ZNF710: variants seen among roughly 807,000 people sequenced by gnomAD.
ZNF710 encodes zinc finger protein 710.
Under a neutral mutation model 50.6 loss-of-function variants are expected in ZNF710, and 13 were observed. That is an observed-to-expected ratio of 0.26 (90% CI 0.17 to 0.41). The LOEUF (loss-of-function observed/expected upper bound fraction) is 0.41. Among genes scored for constraint, ZNF710 ranks in the 10% least tolerant of loss-of-function variants. ZNF710 has a pLI of 1.00. For missense variants in ZNF710, 721 were observed against 936.6 expected, an observed-to-expected ratio of 0.77 and a Z score of 3.01; for synonymous variants, 383 against 397.0, an observed-to-expected ratio of 0.96 and a Z score of 0.42.
At chr15:89,999,495 T>C (rs1222609564), upstream of ZNF710, among the ~76,000 whole-genome samples, 1 of 152,212 alleles carries the variant, frequency 6.6e-6, no homozygotes, top group Non-Finnish European at 1.5e-5. Context: ...CCTGCAGACC[T>C]GGGCAAAGGC....
chr15:90,046,796 A>G (rs1374356400), intron 1 of ZNF710, among the ~76,000 whole-genome samples: 2 of 152,198 alleles, frequency 1.3e-5, no homozygotes, highest in African/African-American at 4.8e-5. Flanking sequence ...TGACCAAGAC[A>G]AGATGAGCTG....
At chr15:90,063,785 A>G (rs951053153) in intron 1 of ZNF710, among the ~76,000 whole-genome samples, 2 of 152,080 alleles carry the variant, frequency 1.3e-5, no homozygotes, top group African/African-American at 4.8e-5. Flanking sequence ...TCACCTCTAA[A>G]GCAGTGTTAA....
intron 1 of ZNF710, among the ~76,000 whole-genome samples, chr15:90,049,524 C>G (rs557228704): frequency 8.3e-4 from 126 of 152,346 alleles, no homozygotes; most frequent in Middle Eastern, 3.4e-3. Flanking sequence ...ATTCCAGCAT[C>G]TGGGACACAT....
rs115833344 is a variant in ZNF710 at position 90,070,591 on chromosome 15, G to T, written c.1458+1996G>T. Among the ~76,000 whole-genome samples, 580 of 149,504 alleles carry T rather than the reference G, an allele frequency of 3.9e-3. 4 individuals carry two copies. The highest frequency in any genetic ancestry group is 0.014 in the African/African-American group (548 of 40,538). ...GAACCCAGGAGGCAGAGATTCCAGTGAGCCGAGATCACACCACTGTGCTCC... is the reference window on the plus strand; with the variant it reads ...GAACCCAGGAGGCAGAGATTCCAGTTAGCCGAGATCACACCACTGTGCTCC... On this transcript the variant is annotated intron_variant, in intron 2 of 4. Transcript: ENST00000268154.
At chr15:90,044,587 A>G (rs1452036584) in intron 1 of ZNF710, among the ~76,000 whole-genome samples, 2 of 152,190 alleles carry the variant, frequency 1.3e-5, no homozygotes, top group African/African-American at 4.8e-5. Flanking sequence ...AGGGATTTCA[A>G]AATGTCACCT....
In ZNF710 at chr15:90,079,961, T is replaced by A. The variant is rs567748247; in HGVS notation, c.*132T>A. 1.2e-3 allele frequency: 1,039 copies of A among 872,144 alleles called. 4 individuals carry two copies. Among genetic ancestry groups the A allele is most frequent in the Middle Eastern group, 9.9e-3 (28 of 2,836 alleles). 54.0% of individuals were successfully genotyped at this position (872,144 alleles called of 1,614,324 possible). On this transcript the variant is annotated 3_prime_UTR_variant, in exon 5 of 5. Transcript: ENST00000268154. ...CTGTTCTGAGCCCTCCCTCCCCGAGTCATTTGCACCACTAGGGACCTTTAG... is the reference window on the plus strand; with the variant it reads ...CTGTTCTGAGCCCTCCCTCCCCGAGACATTTGCACCACTAGGGACCTTTAG...
intron 1 of ZNF710, among the ~76,000 whole-genome samples, chr15:90,002,704 A>G (rs893516496): frequency 2.0e-5 from 3 of 152,236 alleles, no homozygotes; most frequent in Non-Finnish European, 4.4e-5. Context: ...TTGCCTTTTA[A>G]GATGACTTTT....
chr15:90,018,358 G>A (rs185273959), intron 1 of ZNF710, among the ~76,000 whole-genome samples: 6 of 151,766 alleles, frequency 4.0e-5, no homozygotes, highest in Admixed American at 2.6e-4. Flanking sequence ...TAGTAGAGCC[G>A]GGGTTTCACC....
intron 1 of ZNF710, among the ~76,000 whole-genome samples, chr15:90,012,955 G>A (rs79939883): frequency 0.011 from 1,610 of 151,756 alleles, 20 homozygotes; most frequent in Middle Eastern, 0.017. Context: ...TATTAAACAC[G>A]TTTATTTTGT....
chr15:90,074,328 T>C (rs1252198839), intron 4 of ZNF710, 38 bp downstream of exon 4: 4 of 1,607,064 alleles, frequency 2.5e-6, no homozygotes, highest in Admixed American at 3.3e-5. Flanking sequence ...GCAGGAATGA[T>C]ACCAACATGA....
At chr15:90,028,009 C>A (rs1301166816) in intron 1 of ZNF710, among the ~76,000 whole-genome samples, 1 of 152,108 alleles carries the variant, frequency 6.6e-6, no homozygotes, top group Admixed American at 6.5e-5. Flanking sequence ...TATTTGTTGA[C>A]TCTATTGAAT....
At chr15:90,079,132 C>T (rs1425957070) in intron 4 of ZNF710, among the ~76,000 whole-genome samples, 5 of 152,186 alleles carry the variant, frequency 3.3e-5, no homozygotes, top group South Asian at 2.1e-4. Flanking sequence ...CTCAGAACAA[C>T]AGCATGTGCT....
intron 4 of ZNF710, chr15:90,075,058 G>T (rs78610698): frequency 6.2e-6 from 1 of 161,422 alleles, no homozygotes; most frequent in Admixed American, 6.0e-5. Context: ...AAGTGTTAGC[G>T]GTAGCCTTTC....
At chr15:90,050,747 C>T (rs1899614414) in intron 1 of ZNF710, among the ~76,000 whole-genome samples, 1 of 151,840 alleles carries the variant, frequency 6.6e-6, no homozygotes, top group African/African-American at 2.4e-5. Context: ...TATGGAAGAA[C>T]ATTCCTGATA....
rs1309620161 is a variant in ZNF710, at chr15:90,080,095, G to T, written c.*266G>T. On this transcript the variant is annotated 3_prime_UTR_variant, in exon 5 of 5. Coordinates refer to ENST00000268154, the MANE Select transcript of ZNF710 (RefSeq NM_198526.4). The stretch of plus-strand genomic sequence containing the variant: ...GCCCAGATCTGGGTCTCCCTGGCCT[G>T]CTTCCGTGGGGAGTGGGAGAAGTGG... 3.7e-5 allele frequency: 13 copies of T among 346,676 alleles called. No homozygotes were observed. The East Asian group carries it at 8.0e-4, about 21-fold the overall frequency. The allele number at this position is 346,676 out of a possible 1,614,324, so 21.5% of individuals were successfully genotyped here. A position where few individuals can be genotyped will look rare whatever the true frequency, so the allele number is the denominator to read the frequency against.
At chr15:90,038,010 C>A (rs180814818) in intron 1 of ZNF710, among the ~76,000 whole-genome samples, 5 of 152,350 alleles carry the variant, frequency 3.3e-5, no homozygotes, top group Non-Finnish European at 5.9e-5. Flanking sequence ...GGGTGCTGTA[C>A]CAAAGTGAGT....
chr15:90,052,517 G>T (rs1899677031), intron 1 of ZNF710, among the ~76,000 whole-genome samples: 1 of 152,218 alleles, frequency 6.6e-6, no homozygotes, highest in Admixed American at 6.5e-5. Flanking sequence ...AGGAGTAAAT[G>T]GGGAAGAATG....
intron 1 of ZNF710, among the ~76,000 whole-genome samples, chr15:90,066,823 A>G (rs1251879473): frequency 1.3e-5 from 2 of 152,094 alleles, no homozygotes; most frequent in Admixed American, 6.5e-5. Flanking sequence ...ATTTGAGAAC[A>G]ATTGAGGAAA....
upstream of ZNF710, among the ~76,000 whole-genome samples, chr15:90,000,784 G>C (rs1445690793): frequency 1.3e-5 from 2 of 152,110 alleles, no homozygotes; most frequent in East Asian, 1.9e-4. Context: ...GGAAGGAACC[G>C]GCACCCAGGA....
Sources: gnomAD v4.1 joint callset for allele counts (sites outside exome capture counted in the v4.1 genomes callset) on GRCh38, gnomAD v4.1.1 for gene constraint, MANE v1.5 for transcripts, NCBI Gene and HGNC (gene_info 2026-07-23, HGNC 2026-07-21) for gene names.